Variants in CFAP299 observed in about 807,000 individuals in gnomAD.
CFAP299 encodes cilia and flagella associated protein 299.
A neutral mutation model predicts 27.0 loss-of-function variants in CFAP299; 21 were observed. The ratio of observed to expected loss-of-function variants is 0.78; its 90% CI spans 0.55 to 1.12. The LOEUF (loss-of-function observed/expected upper bound fraction) is 1.12, where lower values mean the gene tolerates loss of function less well. CFAP299 is among the 50% of genes most tolerant of loss of function. The probability of loss-of-function intolerance (pLI) is 0.00; values close to 1 mark genes in which losing one functional copy is unlikely to be tolerated. For synonymous variants in CFAP299, 104 were observed against 98.1 expected, an observed-to-expected ratio of 1.06 and a Z score of -0.36; for missense variants, 310 against 276.6, an observed-to-expected ratio of 1.12 and a Z score of -0.86.
intron 3 of CFAP299, among the ~76,000 whole-genome samples, chr4:80,721,803 A>G (rs1344517410): frequency 6.6e-6 from 1 of 152,204 alleles, no homozygotes; most frequent in African/African-American, 2.4e-5. Flanking sequence ...GTGGAGCAAC[A>G]TCTTTAAAGA....
chr4:80,341,977 C>T (rs1722481023), intron 1 of CFAP299, among the ~76,000 whole-genome samples: 1 of 152,158 alleles, frequency 6.6e-6, no homozygotes, highest in African/African-American at 2.4e-5. Flanking sequence ...AGAGGAGCAT[C>T]ACTGACCTGA....
chr4:80,560,916 C>T (rs1447584110), intron 2 of CFAP299, among the ~76,000 whole-genome samples: 3 of 152,132 alleles, frequency 2.0e-5, no homozygotes, highest in African/African-American at 4.8e-5. Context: ...GGACACAGAC[C>T]TGTCTGGCTT....
chr4:80,583,328 A>G, intron 3 of CFAP299, 145 bp downstream of exon 3: 1 of 407,808 alleles, frequency 2.5e-6, no homozygotes, highest in East Asian at 4.1e-5. Context: ...TTATAGGAAT[A>G]TACATAGAAA....
chr4:80,828,854 T>A (rs183218724), intron 3 of CFAP299, among the ~76,000 whole-genome samples: 5 of 152,140 alleles, frequency 3.3e-5, no homozygotes, highest in Admixed American at 3.3e-4. Flanking sequence ...ATGTTTTTAG[T>A]GAATGGTGTT....
chr4:80,960,142 CA>C (rs762306217), intron 5 of CFAP299, among the ~76,000 whole-genome samples: 1 of 150,702 alleles, frequency 6.6e-6, no homozygotes, highest in Non-Finnish European at 1.5e-5. Context: ...ATTTAGTAGG[CA>C]AATAGTAAGC....
chr4:80,420,289 T>C (rs1035835745), intron 2 of CFAP299: 15 of 452,644 alleles, frequency 3.3e-5, no homozygotes, highest in Admixed American at 2.4e-4. Flanking sequence ...CCATCAATGC[T>C]GATTCTCTAC....
chr4:80,956,179 G>A (rs1349763312), intron 5 of CFAP299, among the ~76,000 whole-genome samples: 1 of 152,096 alleles, frequency 6.6e-6, no homozygotes, highest in Non-Finnish European at 1.5e-5. Flanking sequence ...AATGGAACCT[G>A]CTTAGTCAAA....
intron 3 of CFAP299, among the ~76,000 whole-genome samples, chr4:80,866,059 T>TTATATATATATATA (rs70956073): frequency 0.037 from 2,161 of 58,014 alleles, 335 homozygotes; most frequent in Non-Finnish European, 0.064. Context: ...ACTTAAAGTA[T>TTATATATATATATA]TATATATATA....
chr4:80,695,524 G>T (rs1449151631), intron 3 of CFAP299, among the ~76,000 whole-genome samples: 1 of 152,054 alleles, frequency 6.6e-6, no homozygotes, highest in Non-Finnish European at 1.5e-5. Context: ...TGTAAACATT[G>T]TTTGTATTGT....
At position 80,799,850 on chromosome 4, in the gene CFAP299, TATATAA is replaced by T. The variant is rs1247387674; in HGVS notation, c.334-70137_334-70132del. On this transcript the variant is annotated intron_variant, in intron 3 of 5. Transcript: ENST00000358105. ...TATATTTATATATTATATTATATAA[TATATAA>T]ATATATATTATATATATTATATTAT... Among the ~76,000 whole-genome samples, 105 of 33,446 alleles carry T rather than the reference TATATAA, an allele frequency of 3.1e-3. 4 individuals carry two copies. The highest frequency in any genetic ancestry group is 0.013 in the African/African-American group (96 of 7,244). The allele number at this position is 33,446 out of a possible 152,430, so 21.9% of individuals were successfully genotyped here. A position where few individuals can be genotyped will look rare whatever the true frequency, so the allele number is the denominator to read the frequency against.
At chr4:80,872,998 C>T in intron 4 of CFAP299, 1 of 982,352 alleles carries the variant, frequency 1.0e-6, no homozygotes, top group Non-Finnish European at 1.2e-6. Context: ...TAAACTTTAC[C>T]TCTGCAGTTT....
At chr4:80,518,698 C>A (rs1345080274) in intron 2 of CFAP299, among the ~76,000 whole-genome samples, 1 of 151,986 alleles carries the variant, frequency 6.6e-6, no homozygotes, top group Non-Finnish European at 1.5e-5. Context: ...GGGTGGTGAG[C>A]AGGGAAAGAT....
chr4:80,694,254 A>G (rs780731114), intron 3 of CFAP299, among the ~76,000 whole-genome samples: 1 of 152,192 alleles, frequency 6.6e-6, no homozygotes, highest in Non-Finnish European at 1.5e-5. Context: ...AGGTCAGTAC[A>G]TACGTCTCAC....
chr4:80,630,047 T>G (rs1429491862), intron 3 of CFAP299, among the ~76,000 whole-genome samples: 1 of 151,984 alleles, frequency 6.6e-6, no homozygotes, highest in African/African-American at 2.4e-5. Context: ...CGTGAACTGA[T>G]CATAGGACTG....
intron 4 of CFAP299, among the ~76,000 whole-genome samples, chr4:80,931,380 G>A (rs1736608532): frequency 6.6e-6 from 1 of 152,126 alleles, no homozygotes; most frequent in African/African-American, 2.4e-5. Flanking sequence ...CCAGTTGAGT[G>A]GGAGGCATGA....
Position 80,628,992 on chromosome 4 carries a change from A to G in CFAP299, c.333+45809A>G, listed in dbSNP as rs143883509. Among the ~76,000 whole-genome samples the G allele has an allele frequency of 2.6e-4, 39 of 152,328 alleles. No homozygotes were observed. In the East Asian group the frequency reaches 5.0e-3, roughly 20 times the overall value. ...AATATGTATCTAAAGAAATGAAATC[A>G]GTATGTTGAAAAGATTCCTTTACTT... On this transcript the variant is annotated intron_variant, in intron 3 of 5. Coordinates refer to ENST00000358105, the MANE Select transcript of CFAP299 (RefSeq NM_152770.3).
chr4:80,719,796 C>A (rs761671905), intron 3 of CFAP299, among the ~76,000 whole-genome samples: 3 of 152,164 alleles, frequency 2.0e-5, no homozygotes, highest in Non-Finnish European at 4.4e-5. Flanking sequence ...CCTACCATCA[C>A]TGTACCATTT....
At chr4:80,897,686 A>G (rs1734673944) in intron 4 of CFAP299, among the ~76,000 whole-genome samples, 1 of 152,168 alleles carries the variant, frequency 6.6e-6, no homozygotes, top group Non-Finnish European at 1.5e-5. Context: ...CAAGTCAGGA[A>G]CCACAATATC....
intron 3 of CFAP299, among the ~76,000 whole-genome samples, chr4:80,706,734 T>C (rs1325372309): frequency 6.6e-6 from 1 of 151,962 alleles, no homozygotes; most frequent in African/African-American, 2.4e-5. Flanking sequence ...GGCACCAATT[T>C]GTTAGAGTGA....
Sources: gnomAD v4.1 joint callset for allele counts (sites outside exome capture counted in the v4.1 genomes callset) on GRCh38, gnomAD v4.1.1 for gene constraint, MANE v1.5 for transcripts, NCBI Gene and HGNC (gene_info 2026-07-23, HGNC 2026-07-21) for gene names.